The following PFKFB3 variants were observed in gnomAD, a reference collection of about 807,000 sequenced individuals.
PFKFB3 encodes 6-phosphofructo-2-kinase/fructose-2,6-bisphosphatase 3.
A neutral mutation model predicts 68.0 loss-of-function variants in PFKFB3; 33 were observed. The ratio of observed to expected loss-of-function variants is 0.49; its 90% CI spans 0.37 to 0.65. The LOEUF (loss-of-function observed/expected upper bound fraction) is 0.65. Among genes scored for constraint, PFKFB3 ranks in the 30% least tolerant of loss-of-function variants. The probability of loss-of-function intolerance (pLI) is 0.00; values close to 1 mark genes in which losing one functional copy is unlikely to be tolerated. For synonymous variants in PFKFB3, 315 were observed against 288.2 expected, an observed-to-expected ratio of 1.09 and a Z score of -0.94; for missense variants, 586 against 712.2, an observed-to-expected ratio of 0.82 and a Z score of 2.02.
chr10:6,255,442 A>G (rs1408707098), downstream of PFKFB3, among the ~76,000 whole-genome samples: 1 of 152,206 alleles, frequency 6.6e-6, no homozygotes, highest in Non-Finnish European at 1.5e-5. Context: ...GTTTCTTTCT[A>G]GTCCCCATGT....
intron 1 of PFKFB3, among the ~76,000 whole-genome samples, chr10:6,168,636 C>T (rs967230172): frequency 6.6e-6 from 1 of 152,232 alleles, no homozygotes. Context: ...AAGGAACTTT[C>T]TGCCCAGCAA....
At chr10:6,295,736 G>A in the PFKFB3 span, among the ~76,000 whole-genome samples, 1 of 152,144 alleles carries the variant, frequency 6.6e-6, no homozygotes, top group East Asian at 1.9e-4. Context: ...AGTTTCCCTT[G>A]AGGGCAGAAC....
rs150101790 is a variant in PFKFB3, at chr10:6,229,977, C to T, written c.1516-2918C>T. Among the ~76,000 whole-genome samples, 58 of 152,218 alleles carry T rather than the reference C, an allele frequency of 3.8e-4. No homozygotes were observed. The East Asian group carries it at 6.4e-3, about 17-fold the overall frequency. On this transcript the variant is annotated intron_variant, in intron 14 of 14. Transcript: ENST00000379775. The surrounding 1 kb of genome is among the most constrained non-coding windows in gnomAD (Gnocchi z 4.3). The stretch of plus-strand genomic sequence containing the variant: ...GCTGTGTGGCCCGCCTCTCAGTGGG[C>T]TATGGACTGGGTACTGGTCCACAGC...
Position 6,178,543 on chromosome 10 carries a change from A to G in PFKFB3, c.16+33530A>G, listed in dbSNP as rs562659304. Among the ~76,000 whole-genome samples, 507 of 142,860 alleles carry G rather than the reference A, an allele frequency of 3.5e-3. 5 individuals are homozygous for G. The highest frequency in any genetic ancestry group is 0.012 in the African/African-American group (474 of 38,510). The allele number at this position is 142,860 out of a possible 152,430, so 93.7% of individuals were successfully genotyped here. A position where few individuals can be genotyped will look rare whatever the true frequency, so the allele number is the denominator to read the frequency against. ...AGGGTCACAACAGGGAGGTGAAGCC[A>G]CTGACCCGGAGCTGCTGGAGAGCTT... On this transcript the variant is annotated intron_variant, in intron 1 of 14. Coordinates refer to the PFKFB3 transcript ENST00000379789.
intron 14 of PFKFB3, among the ~76,000 whole-genome samples, chr10:6,241,706 A>G (rs1265396663): frequency 6.6e-6 from 1 of 152,210 alleles, no homozygotes; most frequent in East Asian, 1.9e-4. Context: ...CTTTGAGGGT[A>G]TGTAAATATC....
chr10:6,166,821 C>CTTTTTTTTTTT (rs144747290), intron 1 of PFKFB3, among the ~76,000 whole-genome samples: 5 of 95,270 alleles, frequency 5.2e-5, no homozygotes, highest in African/African-American at 3.9e-5. Flanking sequence ...CCTTCTTCTT[C>CTTTTTTTTTTT]TTTTTTTTTT....
intron 14 of PFKFB3, among the ~76,000 whole-genome samples, chr10:6,230,414 C>G (rs1564218026): frequency 6.6e-6 from 1 of 152,178 alleles, no homozygotes; most frequent in Non-Finnish European, 1.5e-5. Context: ...TAAAGCAATT[C>G]TAGGACCTCA....
the PFKFB3 span, among the ~76,000 whole-genome samples, chr10:6,273,262 T>C: frequency 0.016 from 2,364 of 152,008 alleles, 32 homozygotes; most frequent in Middle Eastern, 0.044. Flanking sequence ...AAATTAGAGA[T>C]GTGACTAGAA....
At chr10:6,279,413 G>A in the PFKFB3 span, among the ~76,000 whole-genome samples, 1 of 152,120 alleles carries the variant, frequency 6.6e-6, no homozygotes, top group Non-Finnish European at 1.5e-5. Context: ...CTTGGGAAAG[G>A]GCATCTGCTC....
At chr10:6,225,602 T>A (rs1231676614) in intron 13 of PFKFB3, among the ~76,000 whole-genome samples, 2 of 152,232 alleles carry the variant, frequency 1.3e-5, no homozygotes, top group Non-Finnish European at 1.5e-5. Context: ...GTCCCTCTCA[T>A]GGGAGGGCTG....
At chr10:6,299,491 C>T in the PFKFB3 span, among the ~76,000 whole-genome samples, 1 of 152,184 alleles carries the variant, frequency 6.6e-6, no homozygotes, top group South Asian at 2.1e-4. Context: ...CCGTGAGTCA[C>T]AGGCTGCGGG....
rs371502042 is a variant in PFKFB3, at chr10:6,231,345, C to T, written c.1516-1550C>T. On this transcript the variant is annotated intron_variant, in intron 14 of 14. Coordinates refer to ENST00000379775, the MANE Select transcript of PFKFB3 (RefSeq NM_004566.4). ...TGCCTGGGTGCATGTCCCTCTGTCC[C>T]GCACCGCGTCACGGCATCTGGGTCT... 2.3e-4 allele frequency: 371 copies of T among 1,611,924 alleles called. 1 individual carries two copies. The African/African-American group carries it at 4.2e-3, about 18-fold the overall frequency.
intron 14 of PFKFB3, chr10:6,231,730 T>G: frequency 4.8e-5 from 14 of 293,828 alleles, no homozygotes; most frequent in Non-Finnish European, 7.1e-5. Flanking sequence ...CCCCTCCCAG[T>G]GGGCACCCAT....
chr10:6,240,669 A>G (rs1846119828), intron 14 of PFKFB3, among the ~76,000 whole-genome samples: 1 of 152,168 alleles, frequency 6.6e-6, no homozygotes, highest in African/African-American at 2.4e-5. Flanking sequence ...ACAACATGGT[A>G]CCCTTGTCAA....
the PFKFB3 span, among the ~76,000 whole-genome samples, chr10:6,264,705 G>A: frequency 1.3e-5 from 2 of 152,068 alleles, no homozygotes; most frequent in Non-Finnish European, 2.9e-5. Context: ...ACATTCACTT[G>A]TTTATTCTGT....
At chr10:6,153,036 G>A (rs1278451241) in intron 1 of PFKFB3, among the ~76,000 whole-genome samples, 1 of 152,058 alleles carries the variant, frequency 6.6e-6, no homozygotes, top group African/African-American at 2.4e-5. Context: ...AAAAAAATTA[G>A]CTGTGCATGG....
At chr10:6,146,050 G>A (rs150280344) in intron 1 of PFKFB3, among the ~76,000 whole-genome samples, 3,010 of 152,238 alleles carry the variant, frequency 0.02, 44 homozygotes, top group South Asian at 0.037. Context: ...GGGTTGGGAG[G>A]GGTTGAGTTC....
intron 1 of PFKFB3, among the ~76,000 whole-genome samples, chr10:6,168,376 C>A (rs1842202287): frequency 6.6e-6 from 1 of 152,212 alleles, no homozygotes; most frequent in African/African-American, 2.4e-5. Context: ...TTCAGTCAGC[C>A]TTCCTGGGTT....
At chr10:6,221,855 C>T in intron 10 of PFKFB3, 110 bp downstream of exon 10, 2 of 692,672 alleles carry the variant, frequency 2.9e-6, no homozygotes, top group East Asian at 2.7e-5. Flanking sequence ...CTGGGGGCTC[C>T]TACACCCTCC....
Sources: gnomAD v4.1 joint callset for allele counts (sites outside exome capture counted in the v4.1 genomes callset) on GRCh38, gnomAD v4.1.1 for gene constraint, Gnocchi (gnomAD v3.1) non-coding constraint, MANE v1.5 for transcripts, NCBI Gene and HGNC (gene_info 2026-07-23, HGNC 2026-07-21) for gene names.